PCDHGB1: variants seen among roughly 807,000 people sequenced by gnomAD.
PCDHGB1 encodes the protein protocadherin gamma subfamily B, 1, also known as protocadherin gamma-B1.
Under a neutral mutation model 56.6 loss-of-function variants are expected in PCDHGB1, and 34 were observed. The ratio of observed to expected loss-of-function variants is 0.60; its 90% CI spans 0.46 to 0.80. The LOEUF is 0.80. Ranked by LOEUF, PCDHGB1 falls within the 30% of genes least tolerant of loss-of-function variation. The pLI is 0.00. For synonymous variants in PCDHGB1, 561 were observed against 505.9 expected (o/e 1.11, Z -1.46); for missense variants, 1,278 against 1,204.6 (o/e 1.06, Z -0.90).
Position 141,356,374 on chromosome 5 carries a change from T to G in PCDHGB1, c.2409+3705T>G. ...ATGTTCTATTCCAGATAATCTGCCA[T>G]TCACACTTGAAAAGACCTATGGAAA... On this transcript the variant is annotated intron_variant, in intron 1 of 3. Transcript: ENST00000523390. 1.9e-6 allele frequency: 3 copies of G among 1,562,992 alleles called. No homozygotes were observed. The South Asian group carries it at 3.5e-5, about 18-fold the overall frequency.
chr5:141,510,069 CCAGCAGAGTGCCTGG>C (rs994886462), intron 3 of PCDHGB1, among the ~76,000 whole-genome samples: 12 of 152,260 alleles, frequency 7.9e-5, no homozygotes, highest in Admixed American at 7.8e-4. Context: ...TGTGAAGCAT[CCAGCAGAGTGCCTGG>C]CACACAGTAG....
chr5:141,403,302 A>G (rs1195717654), intron 1 of PCDHGB1: 1 of 1,613,904 alleles, frequency 6.2e-7, no homozygotes, highest in East Asian at 2.2e-5. Flanking sequence ...GTGAAACTGT[A>G]CGGAATAGAA....
At chr5:141,428,307 C>T (rs759382004) in intron 1 of PCDHGB1, 5 of 688,034 alleles carry the variant, frequency 7.3e-6, no homozygotes, top group Non-Finnish European at 5.1e-6. Flanking sequence ...TTTACCTGGT[C>T]GTGGCCTTGG....
In PCDHGB1 at chr5:141,422,632, G is replaced by T. The variant is rs199543811; in HGVS notation, c.2409+69963G>T. ...CTACATTCCCGAAAACAACCCCAGGGGTGCCTCCATCTTCTCAGTGACCGC... is the reference window on the plus strand; with the variant it reads ...CTACATTCCCGAAAACAACCCCAGGTGTGCCTCCATCTTCTCAGTGACCGC... On this transcript the variant is annotated intron_variant, in intron 1 of 3. Coordinates refer to ENST00000523390, the MANE Select transcript of PCDHGB1 (RefSeq NM_018922.3). 4,245 of 1,613,132 alleles carry T rather than the reference G, an allele frequency of 2.6e-3. 5 individuals carry two copies. The highest frequency in any genetic ancestry group is 3.2e-3 in the Admixed American group (193 of 59,948).
Position 141,511,464 on chromosome 5 carries a change from C to G in PCDHGB1, c.*291C>G. 1.9e-6 allele frequency: 1 copy of G among 538,254 alleles called. No individual in the cohort carries two copies. The highest frequency in any genetic ancestry group is 2.1e-5 in the South Asian group (1 of 47,028). The allele number at this position is 538,254 out of a possible 1,614,324, so 33.3% of individuals were successfully genotyped here. On this transcript the variant is annotated 3_prime_UTR_variant, in exon 4 of 4. Transcript: ENST00000523390. ...ACACCAAGAACCATTTGCCACACCC[C>G]GTTTAGTTACAGCTGAACTCCTCCA...
intron 1 of PCDHGB1, chr5:141,375,797 T>A: frequency 6.2e-7 from 1 of 1,614,192 alleles, no homozygotes; most frequent in Non-Finnish European, 8.5e-7. Flanking sequence ...CACAGACGGT[T>A]CCACTGGCGT....
rs1399569045 is a variant in PCDHGB1 at position 141,351,987 on chromosome 5, G to C, written c.1727G>C (p.Arg576Pro). Residue 576 changes from arginine to proline, a missense_variant, in exon 1 of 4, where the codon CGC becomes CCC. By Grantham distance (103) the Arg-to-Pro change is moderately radical. Transcript: ENST00000523390. Reference protein sequence around the residue: ...DGSALFDMVPRAAEPGYLVTK... With the variant: ...DGSALFDMVPPAAEPGYLVTK... ...TCCGCCCTCTTCGATATGGTGCCAC[G>C]CGCCGCAGAGCCCGGCTACCTGGTG... The C allele has an allele frequency of 6.2e-7, 1 of 1,611,124 alleles. No homozygotes were observed. The highest frequency in any genetic ancestry group is 8.5e-7 in the Non-Finnish European group (1 of 1,179,536).
At chr5:141,500,840 C>G (rs1394248251) in intron 2 of PCDHGB1, among the ~76,000 whole-genome samples, 1 of 151,966 alleles carries the variant, frequency 6.6e-6, no homozygotes, top group Non-Finnish European at 1.5e-5. Context: ...TGCTAATGGG[C>G]TTTTGCTACA....
chr5:141,435,804 A>AT (rs2097781092), intron 1 of PCDHGB1, among the ~76,000 whole-genome samples: 1 of 151,814 alleles, frequency 6.6e-6, no homozygotes, highest in Non-Finnish European at 1.5e-5. Flanking sequence ...CGTCCCAATT[A>AT]TTTTTTCTTT....
chr5:141,359,982 G>A, intron 1 of PCDHGB1: 2 of 872,362 alleles, frequency 2.3e-6, no homozygotes, highest in Non-Finnish European at 3.2e-6. Context: ...GAGCCTCTTA[G>A]AGGGGAACTT....
chr5:141,485,095 TC>T lies in PCDHGB1; in HGVS notation c.2410-9710del, dbSNP rs1040164730. ...GCGCGGGGAAAGGGAGATAGGTGTCTCCAGCTGCTGTGGCTGTTTGGGGCGG... is the reference window on the plus strand; with the variant it reads ...GCGCGGGGAAAGGGAGATAGGTGTCTCAGCTGCTGTGGCTGTTTGGGGCGG... On this transcript the variant is annotated intron_variant, in intron 1 of 3. Coordinates refer to ENST00000523390, the MANE Select transcript of PCDHGB1 (RefSeq NM_018922.3). This position sits in a 1 kb window ranked among gnomAD's most constrained non-coding sequence, Gnocchi z 5.7. 6.8e-5 allele frequency: 76 copies of T among 1,115,798 alleles called. No homozygotes were observed. Among genetic ancestry groups the T allele is most frequent in the South Asian group, 4.6e-4 (33 of 71,042 alleles). The allele number at this position is 1,115,798 out of a possible 1,614,324, so 69.1% of individuals were successfully genotyped here. A position where few individuals can be genotyped will look rare whatever the true frequency, so the allele number is the denominator to read the frequency against.
rs1014758036 is a variant in PCDHGB1 at position 141,486,472 on chromosome 5, T to C, written c.2410-8335T>C. The C allele has an allele frequency of 6.2e-7, 1 of 1,614,032 alleles. No homozygotes were observed. Among genetic ancestry groups the C allele is most frequent in the Non-Finnish European group, 8.5e-7 (1 of 1,179,862 alleles). ...TCACTGCTTCTGATGCTGGGAACCC[T>C]CCTCTCAGTACCCACAGAACTATTT... On this transcript the variant is annotated intron_variant, in intron 1 of 3. Coordinates refer to ENST00000523390, the MANE Select transcript of PCDHGB1 (RefSeq NM_018922.3). This position sits in a 1 kb window ranked among gnomAD's most constrained non-coding sequence, Gnocchi z 5.0.
At chr5:141,375,266 G>A in intron 1 of PCDHGB1, 1 of 1,613,846 alleles carries the variant, frequency 6.2e-7, no homozygotes, top group Non-Finnish European at 8.5e-7. Flanking sequence ...ATTTGAATTG[G>A]AAAAATCAGT....
intron 1 of PCDHGB1, chr5:141,372,298 GGGA>G: frequency 6.2e-7 from 1 of 1,613,330 alleles, no homozygotes; most frequent in Non-Finnish European, 8.5e-7. Flanking sequence ...TTGGGCGACA[GGGA>G]GGCCGCCCGC....
Position 141,410,521 on chromosome 5 carries a change from A to G in PCDHGB1, c.2409+57852A>G, listed in dbSNP as rs201505796. ...ATTTCCTAAAATGCAGTGTGCCCCT[A>G]CATTCCAATGAAGACATGGTTTGCA... is the stretch of plus-strand genomic sequence containing the variant. On this transcript the variant is annotated intron_variant, in intron 1 of 3. Coordinates refer to ENST00000523390, the MANE Select transcript of PCDHGB1 (RefSeq NM_018922.3). 1,940 of 1,613,966 alleles carry G rather than the reference A, an allele frequency of 1.2e-3. 3 individuals are homozygous for G. Among genetic ancestry groups the G allele is most frequent in the Non-Finnish European group, 1.5e-3 (1,760 of 1,179,896 alleles).
chr5:141,419,461 C>T, intron 1 of PCDHGB1: 2 of 1,612,628 alleles, frequency 1.2e-6, no homozygotes, highest in Non-Finnish European at 1.7e-6. Flanking sequence ...CGCTGCAGGC[C>T]CGCGACCAGG....
chr5:141,486,940 A>T lies in PCDHGB1; in HGVS notation c.2410-7867A>T. ...CTCCATCAGTTGGTGCTGGCCACCTAATCACAAAGGTGACTGCTGTGGACT... is the reference window on the plus strand; with the variant it reads ...CTCCATCAGTTGGTGCTGGCCACCTTATCACAAAGGTGACTGCTGTGGACT... On this transcript the variant is annotated intron_variant, in intron 1 of 3. Coordinates refer to ENST00000523390, the MANE Select transcript of PCDHGB1 (RefSeq NM_018922.3). This position sits in a 1 kb window ranked among gnomAD's most constrained non-coding sequence, Gnocchi z 5.0. 6.2e-7 allele frequency: 1 copy of T among 1,614,188 alleles called. No homozygotes were observed. Among genetic ancestry groups the T allele is most frequent in the Non-Finnish European group, 8.5e-7 (1 of 1,180,032 alleles).
chr5:141,397,087 A>G (rs1386683594), intron 1 of PCDHGB1, among the ~76,000 whole-genome samples: 3 of 152,240 alleles, frequency 2.0e-5, no homozygotes, highest in African/African-American at 7.2e-5. Context: ...AAGTCATTTC[A>G]GATAGGATAA....
In PCDHGB1 at chr5:141,491,759, G is replaced by C. The variant is rs746395685; in HGVS notation, c.2410-3048G>C. 3 of 1,575,392 alleles carry C rather than the reference G, an allele frequency of 1.9e-6. No individual in the cohort carries two copies. Among genetic ancestry groups the C allele is most frequent in the Non-Finnish European group, 2.6e-6 (3 of 1,161,808 alleles). ...GGGGGCGGCACTGGAGAAGCCGCCC[G>C]TCCTCATAAGGGATTGAACTTGCAT... On this transcript the variant is annotated intron_variant, in intron 1 of 3. Coordinates refer to ENST00000523390, the MANE Select transcript of PCDHGB1 (RefSeq NM_018922.3). The surrounding 1 kb of genome is among the most constrained non-coding windows in gnomAD (Gnocchi z 6.9).
Sources: allele counts gnomAD v4.1 joint callset (sites outside exome capture counted in the v4.1 genomes callset), GRCh38; gene constraint gnomAD v4.1.1; non-coding constraint Gnocchi (gnomAD v3.1); transcripts MANE v1.5; gene names NCBI Gene and HGNC (gene_info 2026-07-23, HGNC 2026-07-21).